The following C1QTNF3 variants were observed in gnomAD, a reference collection of about 807,000 sequenced individuals.
C1QTNF3 encodes C1q and TNF related 3, also known as complement C1q tumor necrosis factor-related protein 3.
A neutral mutation model predicts 32.6 loss-of-function variants in C1QTNF3; 26 were observed. The ratio of observed to expected loss-of-function variants is 0.80; its 90% CI spans 0.58 to 1.11. The LOEUF (loss-of-function observed/expected upper bound fraction) is 1.11, where lower values mean the gene tolerates loss of function less well. Among genes scored for constraint, C1QTNF3 ranks in the 50% least tolerant of loss-of-function variants. The probability of loss-of-function intolerance (pLI) is 0.00; values close to 1 mark genes in which losing one functional copy is unlikely to be tolerated. For missense variants in C1QTNF3, 362 were observed against 398.2 expected (o/e 0.91, Z 0.77); for synonymous variants, 155 against 146.0 (o/e 1.06, Z -0.44).
chr5:34,175,719 C>T, the C1QTNF3 span: 7 of 648,984 alleles, frequency 1.1e-5, no homozygotes, highest in Non-Finnish European at 1.7e-5. Flanking sequence ...CAGCTTCCCC[C>T]CTTTGTTTCC....
At chr5:34,119,667 C>T in the C1QTNF3 span, among the ~76,000 whole-genome samples, 1 of 152,056 alleles carries the variant, frequency 6.6e-6, no homozygotes, top group Non-Finnish European at 1.5e-5. Flanking sequence ...AATCTGTTTT[C>T]TTGCCTTTTC....
At chr5:34,075,676 T>C in the C1QTNF3 span, among the ~76,000 whole-genome samples, 6 of 151,414 alleles carry the variant, frequency 4.0e-5, no homozygotes, top group Non-Finnish European at 8.8e-5. Context: ...AAAAATGGAA[T>C]GGAAATATCT....
chr5:34,177,482 T>A, the C1QTNF3 span, among the ~76,000 whole-genome samples: 23 of 133,808 alleles, frequency 1.7e-4, no homozygotes, highest in South Asian at 2.6e-4. Context: ...ATACCCAACT[T>A]TTTTTTTTTT....
At chr5:34,046,684 T>C (rs933555402), upstream of C1QTNF3, among the ~76,000 whole-genome samples, 2 of 152,300 alleles carry the variant, frequency 1.3e-5, no homozygotes, top group Non-Finnish European at 2.9e-5. Context: ...GTCATCTCAT[T>C]TGTAGCATTT....
chr5:34,187,984 G>A, the C1QTNF3 span, among the ~76,000 whole-genome samples: 1 of 152,306 alleles, frequency 6.6e-6, no homozygotes, highest in African/African-American at 2.4e-5. Context: ...ATGCTCTTGT[G>A]AGTCCAGAAC....
At chr5:34,065,667 C>CAA in the C1QTNF3 span, among the ~76,000 whole-genome samples, 42 of 149,358 alleles carry the variant, frequency 2.8e-4, no homozygotes, top group South Asian at 8.4e-4. Flanking sequence ...AACTCCATCT[C>CAA]AAAAAAAAAA....
the C1QTNF3 span, among the ~76,000 whole-genome samples, chr5:34,077,614 G>C: frequency 6.6e-6 from 1 of 151,498 alleles, no homozygotes; most frequent in South Asian, 2.1e-4. Context: ...AAAAGTTTAA[G>C]TATATAAACA....
intron 5 of C1QTNF3, among the ~76,000 whole-genome samples, chr5:34,022,853 T>TTTTTG (rs1754370856): frequency 6.6e-6 from 1 of 151,982 alleles, no homozygotes; most frequent in South Asian, 2.1e-4. Flanking sequence ...GTTTGTTTGT[T>TTTTTG]TTTTGTTTTG....
At chr5:34,027,949 T>C (rs1482525481) in intron 4 of C1QTNF3, among the ~76,000 whole-genome samples, 1 of 152,060 alleles carries the variant, frequency 6.6e-6, no homozygotes, top group African/African-American at 2.4e-5. Flanking sequence ...TATGAGAAGA[T>C]ATATTTGTAT....
chr5:34,164,154 A>G, the C1QTNF3 span, among the ~76,000 whole-genome samples: 2 of 152,182 alleles, frequency 1.3e-5, no homozygotes, highest in Non-Finnish European at 2.9e-5. Context: ...AAATGCCCTT[A>G]GTGAGTTGGC....
the C1QTNF3 span, among the ~76,000 whole-genome samples, chr5:34,087,634 C>T: frequency 0.4 from 56,148 of 138,900 alleles, 6,831 homozygotes; most frequent in Non-Finnish European, 0.49. Flanking sequence ...AGTACACTGG[C>T]ACCATCATGG....
In C1QTNF3 at chr5:34,020,854, G is replaced by A; in HGVS notation, c.801-112C>T. On this transcript the variant is annotated intron_variant, in intron 5 of 5. Coordinates refer to ENST00000382065, the MANE Select transcript of C1QTNF3 (RefSeq NM_181435.6). The stretch of plus-strand genomic sequence containing the variant: ...CCCACAGGTATAATCCTGCGGCTAA[G>A]TTCTCTAAACAGCCTGTGAGCAGAA... 4 of 1,145,862 alleles carry A rather than the reference G, an allele frequency of 3.5e-6. No individual in the cohort carries two copies. In the South Asian group the frequency reaches 5.9e-5, roughly 17 times the overall value. 71.0% of individuals were successfully genotyped at this position (1,145,862 alleles called of 1,614,324 possible).
the C1QTNF3 span, among the ~76,000 whole-genome samples, chr5:34,220,897 G>C: frequency 1.3e-5 from 2 of 152,004 alleles, no homozygotes; most frequent in Non-Finnish European, 2.9e-5. Flanking sequence ...GGGTCAAAAT[G>C]GCCGGGCTTT....
chr5:34,234,504 T>G, the C1QTNF3 span, among the ~76,000 whole-genome samples: 2 of 152,290 alleles, frequency 1.3e-5, no homozygotes, highest in East Asian at 3.9e-4. Context: ...ACTTAAGAGT[T>G]CAGGATGTTT....
At chr5:34,129,540 T>C in the C1QTNF3 span, among the ~76,000 whole-genome samples, 20 of 152,270 alleles carry the variant, frequency 1.3e-4, no homozygotes, top group East Asian at 3.5e-3. Context: ...TCATTCCAAA[T>C]TGGATGCATA....
At chr5:34,159,263 T>C in the C1QTNF3 span, among the ~76,000 whole-genome samples, 1 of 152,078 alleles carries the variant, frequency 6.6e-6, no homozygotes, top group South Asian at 2.1e-4. Flanking sequence ...CATACAATAA[T>C]AGCAAACAAA....
the C1QTNF3 span, among the ~76,000 whole-genome samples, chr5:34,170,061 TAAAG>T: frequency 3.9e-5 from 6 of 152,142 alleles, no homozygotes; most frequent in Admixed American, 2.6e-4. Flanking sequence ...GATGAATGGA[TAAAG>T]AAATTGAGGT....
the C1QTNF3 span, among the ~76,000 whole-genome samples, chr5:34,048,602 TC>T: frequency 3.3e-5 from 5 of 151,542 alleles, no homozygotes; most frequent in African/African-American, 1.2e-4. Flanking sequence ...TGAGAAGAAT[TC>T]TGGGAATATA....
At chr5:34,231,033 C>A in the C1QTNF3 span, among the ~76,000 whole-genome samples, 3 of 152,140 alleles carry the variant, frequency 2.0e-5, no homozygotes, top group Admixed American at 2.0e-4. Context: ...TTGAAAGACT[C>A]ATTTAACTCT....
Sources: allele counts gnomAD v4.1 joint callset (sites outside exome capture counted in the v4.1 genomes callset), GRCh38; gene constraint gnomAD v4.1.1; transcripts MANE v1.5; gene names NCBI Gene and HGNC (gene_info 2026-07-23, HGNC 2026-07-21).